C12orf42: variants seen among roughly 807,000 people sequenced by gnomAD.
C12orf42 encodes uncharacterized protein C12orf42.
A neutral mutation model predicts 21.6 loss-of-function variants in C12orf42; 25 were observed. That is an observed-to-expected ratio of 1.16 (90% CI 0.84 to 1.62). The LOEUF (loss-of-function observed/expected upper bound fraction) is 1.62. Ranked by LOEUF, C12orf42 falls within the 40% of genes most tolerant of loss-of-function variation. The pLI is 0.00. For synonymous variants in C12orf42, 174 were observed against 175.0 expected (o/e 0.99, Z 0.05); for missense variants, 483 against 459.3 (o/e 1.05, Z -0.47).
intron 4 of C12orf42, among the ~76,000 whole-genome samples, chr12:103,368,392 C>T (rs772484524): frequency 1.1e-4 from 16 of 151,890 alleles, no homozygotes; most frequent in Admixed American, 2.6e-4. Context: ...GGCCTACCTC[C>T]CCTGCCACAC....
At chr12:103,497,504 T>C (rs1955593557), upstream of C12orf42, among the ~76,000 whole-genome samples, 1 of 152,228 alleles carries the variant, frequency 6.6e-6, no homozygotes, top group Admixed American at 6.5e-5. Flanking sequence ...GGATACCCAG[T>C]GCTCTCTTAA....
In C12orf42 at chr12:103,423,895, A is replaced by G. The variant is rs561197948; in HGVS notation, c.79-22220T>C. ...TAGACTCCAGAGTAGTTCTACTGAA[A>G]TTTATAAATAAGCCATAAGTTTTTT... On this transcript the variant is annotated intron_variant, in intron 2 of 5. Transcript: ENST00000548883. Among the ~76,000 whole-genome samples, 14 of 152,346 alleles carry G rather than the reference A, an allele frequency of 9.2e-5. No homozygotes were observed. The South Asian group carries it at 2.9e-3, about 32-fold the overall frequency.
At chr12:103,466,585 C>CTT (rs397777413) in intron 2 of C12orf42, among the ~76,000 whole-genome samples, 1 of 151,482 alleles carries the variant, frequency 6.6e-6, no homozygotes, top group Non-Finnish European at 1.5e-5. Flanking sequence ...CTCTCTCTCT[C>CTT]CTCTCCATCT....
chr12:103,160,565 C>A, the C12orf42 span, among the ~76,000 whole-genome samples: 1 of 152,218 alleles, frequency 6.6e-6, no homozygotes, highest in Non-Finnish European at 1.5e-5. Context: ...GGATGGATTC[C>A]TCAAAGAAGA....
chr12:103,251,881 T>C (rs2034322798), intron 10 of C12orf42, among the ~76,000 whole-genome samples: 1 of 152,202 alleles, frequency 6.6e-6, no homozygotes, highest in Non-Finnish European at 1.5e-5. Context: ...ATATAAATTT[T>C]CTTAACACTG....
chr12:103,377,367 C>T (rs1287111076), intron 3 of C12orf42, among the ~76,000 whole-genome samples: 1 of 152,048 alleles, frequency 6.6e-6, no homozygotes, highest in Non-Finnish European at 1.5e-5. Context: ...GGGCTTATGA[C>T]CAGTGGACTT....
intron 10 of C12orf42, among the ~76,000 whole-genome samples, chr12:103,251,234 C>G (rs1187619622): frequency 1.3e-5 from 2 of 152,042 alleles, no homozygotes; most frequent in Non-Finnish European, 2.9e-5. Context: ...ACTTCTACAC[C>G]ATCCCCCTTT....
intron 4 of C12orf42, among the ~76,000 whole-genome samples, chr12:103,279,836 TA>T (rs932567515): frequency 5.3e-5 from 8 of 152,232 alleles, no homozygotes; most frequent in African/African-American, 1.9e-4. Context: ...AGACAGCAGG[TA>T]ACCCAGACAT....
At chr12:103,196,025 C>A in the C12orf42 span, among the ~76,000 whole-genome samples, 1 of 151,986 alleles carries the variant, frequency 6.6e-6, no homozygotes, top group African/African-American at 2.4e-5. Flanking sequence ...TATTGAATCC[C>A]GACATCATTT....
At chr12:103,069,392 T>G in the C12orf42 span, among the ~76,000 whole-genome samples, 1 of 152,162 alleles carries the variant, frequency 6.6e-6, no homozygotes, top group Non-Finnish European at 1.5e-5. Context: ...CAAATATGCA[T>G]TTAATATACC....
At chr12:103,078,688 A>G in the C12orf42 span, among the ~76,000 whole-genome samples, 1 of 152,250 alleles carries the variant, frequency 6.6e-6, no homozygotes, top group African/African-American at 2.4e-5. Context: ...GACATGTATT[A>G]CAGAAGAAAA....
chr12:103,388,324 G>C (rs1211474112), intron 3 of C12orf42, among the ~76,000 whole-genome samples: 1 of 152,096 alleles, frequency 6.6e-6, no homozygotes, highest in South Asian at 2.1e-4. Context: ...TGGGGTCAGT[G>C]CCTAAACCCC....
the C12orf42 span, among the ~76,000 whole-genome samples, chr12:103,119,940 T>C: frequency 2.0e-5 from 3 of 152,206 alleles, no homozygotes; most frequent in African/African-American, 7.2e-5. Context: ...CAACTCTTGG[T>C]TTCTTCTGCT....
At chr12:103,170,097 A>G in the C12orf42 span, among the ~76,000 whole-genome samples, 4 of 152,166 alleles carry the variant, frequency 2.6e-5, no homozygotes, top group Non-Finnish European at 5.9e-5. Context: ...ACACTCCACT[A>G]ATTTTTTCCC....
intron 3 of C12orf42, chr12:103,396,454 T>A (rs142280423): frequency 6.6e-6 from 1 of 152,234 alleles, no homozygotes; most frequent in Non-Finnish European, 1.5e-5. Context: ...TTTATAGCAG[T>A]GTAGAAATTG....
chr12:103,114,087 A>C, the C12orf42 span, among the ~76,000 whole-genome samples: 2 of 152,218 alleles, frequency 1.3e-5, no homozygotes, highest in African/African-American at 4.8e-5. Context: ...TCTAAAAACT[A>C]ACAAACAACC....
chr12:103,495,275 G>A (rs1436863064), intron 1 of C12orf42, among the ~76,000 whole-genome samples: 1 of 152,090 alleles, frequency 6.6e-6, no homozygotes, highest in East Asian at 1.9e-4. Context: ...GGGACAGGGA[G>A]AGTGTCTCTA....
At chr12:103,492,459 G>GCTC (rs1157311133) in intron 1 of C12orf42, among the ~76,000 whole-genome samples, 2 of 152,136 alleles carry the variant, frequency 1.3e-5, no homozygotes, top group African/African-American at 4.8e-5. Flanking sequence ...CCATAAACTT[G>GCTC]CTCCTTTCTG....
intron 10 of C12orf42, among the ~76,000 whole-genome samples, chr12:103,263,110 C>G (rs952990041): frequency 1.3e-5 from 2 of 151,990 alleles, no homozygotes; most frequent in Non-Finnish European, 2.9e-5. Context: ...AATGAGATCA[C>G]TTGGACACGG....
Sources: allele counts gnomAD v4.1 joint callset (sites outside exome capture counted in the v4.1 genomes callset), GRCh38; gene constraint gnomAD v4.1.1; transcripts MANE v1.5; gene names NCBI Gene and HGNC (gene_info 2026-07-23, HGNC 2026-07-21).